The following MIER1 variants were observed in gnomAD, a reference collection of about 807,000 sequenced individuals.
MIER1 encodes the protein mesoderm induction early response protein 1.
In MIER1, 40 loss-of-function variants were observed where a neutral mutation model predicts 75.7. The ratio of observed to expected loss-of-function variants is 0.53; its 90% CI spans 0.41 to 0.69. MIER1 has a LOEUF of 0.69. Ranked by LOEUF, MIER1 falls within the 30% of genes least tolerant of loss-of-function variation. MIER1 has a pLI of 0.00. For synonymous variants in MIER1, 213 were observed against 223.4 expected, an observed-to-expected ratio of 0.95 and a Z score of 0.42; for missense variants, 574 against 680.2, an observed-to-expected ratio of 0.84 and a Z score of 1.74.
Position 66,981,847 on chromosome 1 carries a change from C to T in MIER1, c.1298C>T (p.Pro433Leu). Residue 433 changes from proline to leucine, a missense_variant, in exon 13 of 14, where the codon CCA becomes CTA. This residue lies in a region of MIER1 where 164 missense variants were observed against 154.3 expected (regional missense o/e 1.06). Transcript: ENST00000401041. The part of the protein sequence containing the change: ...AASSRAPSPP[P>L]TASNSSNSQS... ...TCTAGTCGAGCACCATCCCCTCCCCCAACTGCATCAAACAGTAGTAACAGC... is the reference window on the plus strand; with the variant it reads ...TCTAGTCGAGCACCATCCCCTCCCCTAACTGCATCAAACAGTAGTAACAGC... 1 of 1,613,986 alleles carries T rather than the reference C, an allele frequency of 6.2e-7. No homozygotes were observed. Among genetic ancestry groups the T allele is most frequent in the Non-Finnish European group, 8.5e-7 (1 of 1,179,886 alleles).
intron 8 of MIER1, among the ~76,000 whole-genome samples, chr1:66,966,880 G>C (rs769143922): frequency 6.6e-6 from 1 of 152,260 alleles, no homozygotes; most frequent in Non-Finnish European, 1.5e-5. Flanking sequence ...TTTCAATAGA[G>C]TTGTTTGAGC....
chr1:66,966,273 A>T (rs1662381153), intron 8 of MIER1, among the ~76,000 whole-genome samples: 1 of 152,146 alleles, frequency 6.6e-6, no homozygotes, highest in South Asian at 2.1e-4. Context: ...CCTATGAGTG[A>T]GAACATGCAG....
chr1:66,980,984 G>A (rs1424045504), intron 12 of MIER1, among the ~76,000 whole-genome samples: 1 of 152,142 alleles, frequency 6.6e-6, no homozygotes, highest in Non-Finnish European at 1.5e-5. Flanking sequence ...CAGATGGCCA[G>A]CCCACAGGCT....
chr1:66,976,611 T>C lies in MIER1; in HGVS notation c.1118T>C (p.Val373Ala). Residue 373 changes from valine to alanine, a missense_variant, in exon 12 of 14, where the codon GTT (valine) becomes GCT (alanine). This residue lies in a region of MIER1 where 101 missense variants were observed against 173.1 expected (regional missense o/e 0.58). Coordinates refer to ENST00000401041, the MANE Select transcript of MIER1 (RefSeq NM_001077700.3). The part of the protein sequence containing the change: ...IQANKVRTRS[V>A]GECVAFYYMW... ...TTCTTACAGGTCCGAACAAGGTCAGTTGGTGAATGTGTAGCATTCTATTAC... is the reference window on the plus strand; with the variant it reads ...TTCTTACAGGTCCGAACAAGGTCAGCTGGTGAATGTGTAGCATTCTATTAC... The C allele has an allele frequency of 1.3e-6, 2 of 1,597,784 alleles. No individual in the cohort carries two copies. Among genetic ancestry groups the C allele is most frequent in the South Asian group, 1.1e-5 (1 of 87,306 alleles).
At chr1:66,957,810 A>C (rs1025584348) in intron 4 of MIER1, among the ~76,000 whole-genome samples, 2 of 152,150 alleles carry the variant, frequency 1.3e-5, no homozygotes, top group Non-Finnish European at 2.9e-5. Context: ...GACCAAGGCC[A>C]CTTTTTAATT....
In MIER1 at chr1:66,963,098, T is replaced by C. The variant is rs1416743171; in HGVS notation, c.710T>C (p.Val237Ala). 1 of 1,608,418 alleles carries C rather than the reference T, an allele frequency of 6.2e-7. No individual in the cohort carries two copies. The highest frequency in any genetic ancestry group is 8.5e-7 in the Non-Finnish European group (1 of 1,175,374). Reference protein sequence around the residue: ...PSEDWKKEIMVGSMFQAEIPV... With the variant: ...PSEDWKKEIMAGSMFQAEIPV... ...TTATTTTTAAAATAGGAGATTATGG[T>C]GGGCTCCATGTTTCAAGCAGAAATT... is the stretch of plus-strand genomic sequence containing the variant. Residue 237 changes from valine to alanine, a missense_variant, in exon 8 of 14, where the codon GTG becomes GCG. Val to Ala is a moderately conservative substitution (Grantham distance 64). Around this residue, in one of 3 missense-constraint regions of MIER1, gnomAD observed 309 missense variants for 352.8 expected, o/e 0.88. Coordinates refer to ENST00000401041, the MANE Select transcript of MIER1 (RefSeq NM_001077700.3).
At position 66,978,442 on chromosome 1, in the gene MIER1, AT is replaced by A. The variant is rs375400086; in HGVS notation, c.1229+1722del. 2.8e-3 allele frequency among the ~76,000 whole-genome samples: 420 copies of A among 152,318 alleles called. 8 individuals carry two copies. Among genetic ancestry groups the A allele is most frequent in the Admixed American group, 0.016 (244 of 15,298 alleles). ...CATCCCCCATTATTCAAAGCTGGTG[AT>A]TGCTAAAGTGGAATTTCATAAATAG... On this transcript the variant is annotated intron_variant, in intron 12 of 13. Transcript: ENST00000401041.
intron 5 of MIER1, 41 bp downstream of exon 5, chr1:66,958,261 C>A (rs374272516): frequency 7.3e-7 from 1 of 1,361,726 alleles, no homozygotes; most frequent in Non-Finnish European, 9.8e-7. Context: ...AGTCTTTATT[C>A]TTGTTGAAGT....
At position 66,971,021 on chromosome 1, in the gene MIER1, A is replaced by G. The variant is rs1020107693; in HGVS notation, c.924+62A>G. The G allele has an allele frequency of 6.3e-6, 9 of 1,431,464 alleles. No homozygotes were observed. In the African/African-American group the frequency reaches 1.0e-4, roughly 17 times the overall value. The allele number at this position is 1,431,464 out of a possible 1,614,324, so 88.7% of individuals were successfully genotyped here. On this transcript the variant is annotated intron_variant, in intron 9 of 13. Coordinates refer to ENST00000401041, the MANE Select transcript of MIER1 (RefSeq NM_001077700.3). ...CACATTTATACATGTAAATGCTGTCACTTGCATTGTTGTTATTCTGTCCAC... is the reference window on the plus strand; with the variant it reads ...CACATTTATACATGTAAATGCTGTCGCTTGCATTGTTGTTATTCTGTCCAC...
Position 66,936,998 on chromosome 1 carries a change from CAAAAAAAAAAAA to C in MIER1, c.169-3019_169-3008del, listed in dbSNP as rs751644771. Among the ~76,000 whole-genome samples, 15 of 68,358 alleles carry C rather than the reference CAAAAAAAAAAAA, an allele frequency of 2.2e-4. No homozygotes were observed. The East Asian group carries it at 2.7e-3, about 12-fold the overall frequency. The allele number at this position is 68,358 out of a possible 152,430, so 44.8% of individuals were successfully genotyped here. ...TGGGTGACAGAGCGAGACTCCATCT[CAAAAAAAAAAAA>C]AAAAAAAAAAGAGAAAAAGAAAAAA... On this transcript the variant is annotated intron_variant, in intron 2 of 13. Transcript: ENST00000401041.
rs376875070 is a variant in MIER1, at chr1:66,947,085, G to A, written c.339+790G>A. On this transcript the variant is annotated intron_variant, in intron 4 of 13. Coordinates refer to ENST00000401041, the MANE Select transcript of MIER1 (RefSeq NM_001077700.3). ...ATCAACCCTGTACTTATTTTAAAAA[G>A]CAGATTTTTTGGACCTCTCCCCCGG... The A allele has an allele frequency of 4.8e-5, 43 of 899,906 alleles. No individual in the cohort carries two copies. In the East Asian group the frequency reaches 9.5e-4, roughly 20 times the overall value. 55.7% of individuals were successfully genotyped at this position (899,906 alleles called of 1,614,324 possible).
chr1:66,942,866 C>T lies in MIER1; in HGVS notation c.193+2814C>T, dbSNP rs949967180. Among the ~76,000 whole-genome samples the T allele has an allele frequency of 1.6e-4, 24 of 152,096 alleles. 1 individual carries two copies. Among genetic ancestry groups the T allele is most frequent in the Non-Finnish European group, 5.9e-5 (4 of 68,012 alleles). On this transcript the variant is annotated intron_variant, in intron 3 of 13. Transcript: ENST00000401041. ...ATGGCAAGTCTTCATATATAATTGG[C>T]TTTGCAAATAACAAAAAATGGACTT...
At chr1:66,971,165 A>AT (rs1206196113) in intron 9 of MIER1, among the ~76,000 whole-genome samples, 1 of 152,032 alleles carries the variant, frequency 6.6e-6, no homozygotes, top group Non-Finnish European at 1.5e-5. Flanking sequence ...AACCTGTTTT[A>AT]TTTTGCCTGT....
At chr1:66,972,408 A>G (rs1243182288) in intron 10 of MIER1, among the ~76,000 whole-genome samples, 2 of 151,844 alleles carry the variant, frequency 1.3e-5, no homozygotes, top group Non-Finnish European at 2.9e-5. Context: ...GAATTCTTCA[A>G]GGAAAATTAG....
intron 2 of MIER1, chr1:66,930,143 G>T: frequency 8.9e-7 from 1 of 1,122,544 alleles, no homozygotes; most frequent in Non-Finnish European, 1.1e-6. Context: ...GGCCGCGCGC[G>T]CGCCCCTGCT....
chr1:66,967,925 T>G (rs1662760456), intron 8 of MIER1, among the ~76,000 whole-genome samples: 1 of 152,210 alleles, frequency 6.6e-6, no homozygotes, highest in African/African-American at 2.4e-5. Flanking sequence ...AAATACAAGA[T>G]CATATCATCA....
chr1:66,925,210 G>A (rs1214039592), intron 1 of MIER1, 115 bp downstream of exon 1: 8 of 1,402,434 alleles, frequency 5.7e-6, no homozygotes, highest in Non-Finnish European at 7.4e-6. Flanking sequence ...GCAGTGTACC[G>A]CCCGGAAGAC....
intron 10 of MIER1, 23 bp downstream of exon 10, chr1:66,971,759 T>C: frequency 7.8e-7 from 1 of 1,275,720 alleles, no homozygotes; most frequent in Non-Finnish European, 1.1e-6. Flanking sequence ...TTTATTCATT[T>C]TCATGATTTG....
intron 4 of MIER1, among the ~76,000 whole-genome samples, chr1:66,951,458 C>T (rs533988043): frequency 3.3e-5 from 5 of 152,244 alleles, no homozygotes; most frequent in African/African-American, 1.2e-4. Context: ...TCCATTTCTC[C>T]CACCTTCAGC....
Sources: allele counts gnomAD v4.1 joint callset (sites outside exome capture counted in the v4.1 genomes callset), GRCh38; gene constraint gnomAD v4.1.1; regional missense constraint gnomAD v4.1.1; transcripts MANE v1.5; gene names NCBI Gene and HGNC (gene_info 2026-07-23, HGNC 2026-07-21).